The following SLC28A3 variants were observed in gnomAD, a reference collection of about 807,000 sequenced individuals.
SLC28A3 encodes the protein concentrative Na(+)-nucleoside cotransporter 3.
Under a neutral mutation model 84.2 loss-of-function variants are expected in SLC28A3, and 68 were observed. That is an observed-to-expected ratio of 0.81 (90% confidence interval 0.66 to 0.99). SLC28A3 has a LOEUF of 0.99. Ranked by LOEUF, SLC28A3 falls within the 50% of genes least tolerant of loss-of-function variation. SLC28A3 has a pLI of 0.00. For synonymous variants in SLC28A3, 267 were observed against 303.6 expected, an observed-to-expected ratio of 0.88 and a Z score of 1.25; for missense variants, 712 against 841.5, an observed-to-expected ratio of 0.85 and a Z score of 1.90.
intron 5 of SLC28A3, among the ~76,000 whole-genome samples, chr9:84,300,541 G>A (rs566796227): frequency 6.6e-6 from 1 of 152,338 alleles, no homozygotes; most frequent in Admixed American, 6.5e-5. Flanking sequence ...GGCTTGCACA[G>A]CAGAGCCAGA....
chr9:84,367,532 G>A, the SLC28A3 span, among the ~76,000 whole-genome samples: 1 of 152,170 alleles, frequency 6.6e-6, no homozygotes, highest in South Asian at 2.1e-4. Flanking sequence ...CAGAGACAAA[G>A]CATAGAGAAA....
intron 10 of SLC28A3, among the ~76,000 whole-genome samples, chr9:84,291,431 G>T (rs1825218300): frequency 6.6e-6 from 1 of 152,116 alleles, no homozygotes; most frequent in South Asian, 2.1e-4. Context: ...CCACCTCCTG[G>T]GTTCAAGCAA....
intron 5 of SLC28A3, among the ~76,000 whole-genome samples, chr9:84,300,076 G>A (rs1361597178): frequency 6.6e-6 from 1 of 152,162 alleles, no homozygotes; most frequent in Non-Finnish European, 1.5e-5. Context: ...ACAGGTGCGA[G>A]CCACCACTCC....
upstream of SLC28A3, among the ~76,000 whole-genome samples, chr9:84,343,745 T>C (rs1172977087): frequency 6.6e-6 from 1 of 152,252 alleles, no homozygotes; most frequent in East Asian, 1.9e-4. Context: ...TGTCTAAGGC[T>C]GCTATCATCC....
At chr9:84,319,779 A>G (rs928177415) in intron 1 of SLC28A3, among the ~76,000 whole-genome samples, 2 of 152,116 alleles carry the variant, frequency 1.3e-5, no homozygotes, top group African/African-American at 4.8e-5. Context: ...TGGGAAGGAG[A>G]CCAGAGAAGT....
intron 9 of SLC28A3, 45 bp downstream of exon 9, chr9:84,294,150 T>A: frequency 6.3e-7 from 1 of 1,576,824 alleles, no homozygotes; most frequent in South Asian, 1.2e-5. Context: ...GTGCCTGAGA[T>A]AATCAGCTCT....
chr9:84,356,912 A>G, the SLC28A3 span, among the ~76,000 whole-genome samples: 3 of 152,248 alleles, frequency 2.0e-5, no homozygotes, highest in Non-Finnish European at 4.4e-5. Context: ...TCTATTTCCC[A>G]GAATTAGTGA....
upstream of SLC28A3, among the ~76,000 whole-genome samples, chr9:84,343,514 C>G (rs911882858): frequency 6.6e-6 from 1 of 150,644 alleles, no homozygotes. Flanking sequence ...ATCCTGGACT[C>G]TACCTCATAA....
Position 84,286,052 on chromosome 9 carries a change from A to G in SLC28A3, c.1340T>C (p.Val447Ala). ...AATCAGATTCACAGCGATGTTGGCC[A>G]CCAGGGAGATGGAGGAGGATGCTCC... Reference protein sequence around the residue: ...TQGASSSISLVANIAVNLIAF... With the variant: ...TQGASSSISLAANIAVNLIAF... Residue 447 changes from valine to alanine, a missense_variant, in exon 13 of 18, where the codon GTG becomes GCG. By Grantham distance (64) the Val-to-Ala change is moderately conservative. Transcript: ENST00000376238. The G allele has an allele frequency of 6.2e-7, 1 of 1,614,154 alleles. No homozygotes were observed. Among genetic ancestry groups the G allele is most frequent in the Non-Finnish European group, 8.5e-7 (1 of 1,179,992 alleles).
At chr9:84,290,401 C>G in intron 10 of SLC28A3, 122 bp from the exon 11 acceptor site, 1 of 1,209,368 alleles carries the variant, frequency 8.3e-7, no homozygotes, top group Non-Finnish European at 1.1e-6. Flanking sequence ...GAACCTCAGA[C>G]CAGCTCCATC....
rs766056834 is a variant in SLC28A3 at position 84,294,240 on chromosome 9, C to T, written c.897G>A (p.Met299Ile). Residue 299 changes from methionine to isoleucine, a missense_variant, in exon 9 of 18, where the codon ATG (methionine) becomes ATA (isoleucine). Physicochemically the swap from Met to Ile is conservative, Grantham distance 10 (BLOSUM62 1). Transcript: ENST00000376238. The part of the protein sequence containing the change: ...LPIVVFFSTV[M>I]SMLYYLGLMQ... The stretch of plus-strand genomic sequence containing the variant: ...TCAGTCCCAGGTAGTACAGCATGGA[C>T]ATCACAGTGCTGAAGAAAACCACGA... 6.2e-7 allele frequency: 1 copy of T among 1,614,154 alleles called. No homozygotes were observed. The highest frequency in any genetic ancestry group is 1.7e-5 in the Admixed American group (1 of 60,026).
chr9:84,343,212 A>G (rs895493485), upstream of SLC28A3, among the ~76,000 whole-genome samples: 5 of 150,932 alleles, frequency 3.3e-5, no homozygotes, highest in African/African-American at 1.2e-4. Context: ...AAAAAACAAA[A>G]GCAAAAAAAA....
At chr9:84,292,499 C>T (rs1248173049) in intron 10 of SLC28A3, 169 bp downstream of exon 10, 6 of 510,834 alleles carry the variant, frequency 1.2e-5, no homozygotes, top group Admixed American at 3.9e-5. Flanking sequence ...CTCTCTCTGT[C>T]TCTCTCTCTT....
Position 84,302,242 on chromosome 9 carries a change from G to A in SLC28A3, c.482C>T (p.Pro161Leu), listed in dbSNP as rs746256353. ...YEHRIDEMLS[P>L]GRRLLNSHWF... ...ATGGCTGTTTAGAAGCCTTCTGCCA[G>A]GAGACAGCATCTCATCAATTCGATG... Residue 161 changes from proline to leucine, a missense_variant, in exon 5 of 18, where the codon CCT (proline) becomes CTT (leucine). Physicochemically the swap from Pro to Leu is moderately conservative, Grantham distance 98. Coordinates refer to ENST00000376238, the MANE Select transcript of SLC28A3 (RefSeq NM_001199633.2). 3.7e-6 allele frequency: 6 copies of A among 1,614,152 alleles called. No individual in the cohort carries two copies. Among genetic ancestry groups the A allele is most frequent in the Admixed American group, 1.7e-5 (1 of 60,022 alleles).
chr9:84,328,701 G>A (rs1409637407), intron 1 of SLC28A3, among the ~76,000 whole-genome samples: 4 of 152,218 alleles, frequency 2.6e-5, no homozygotes, highest in Non-Finnish European at 5.9e-5. Flanking sequence ...GGAGGTTGCA[G>A]TGAACCAAAA....
At chr9:84,282,993 G>A (rs1824818246) in intron 14 of SLC28A3, among the ~76,000 whole-genome samples, 1 of 151,342 alleles carries the variant, frequency 6.6e-6, no homozygotes, top group Non-Finnish European at 1.5e-5. Context: ...TGGAAAAGCT[G>A]TCCTTGTTCC....
At chr9:84,312,043 T>C (rs186133020) in intron 2 of SLC28A3, among the ~76,000 whole-genome samples, 23 of 152,362 alleles carry the variant, frequency 1.5e-4, no homozygotes, top group African/African-American at 5.0e-4. Flanking sequence ...TCATGTCTTT[T>C]CATGGCTTGA....
intron 6 of SLC28A3, among the ~76,000 whole-genome samples, chr9:84,298,498 A>G (rs1825505903): frequency 7.4e-6 from 1 of 135,262 alleles, no homozygotes; most frequent in Non-Finnish European, 1.5e-5. Flanking sequence ...AGAAAAAAAC[A>G]AAAACAAACT....
chr9:84,360,147 G>A, the SLC28A3 span, among the ~76,000 whole-genome samples: 1 of 152,124 alleles, frequency 6.6e-6, no homozygotes, highest in Non-Finnish European at 1.5e-5. Flanking sequence ...AAGTGCCAGG[G>A]GTGACCCTTA....
Sources: allele counts gnomAD v4.1 joint callset (sites outside exome capture counted in the v4.1 genomes callset), GRCh38; gene constraint gnomAD v4.1.1; transcripts MANE v1.5; gene names NCBI Gene and HGNC (gene_info 2026-07-23, HGNC 2026-07-21).